LIN7A: variants seen among roughly 807,000 people sequenced by gnomAD.
LIN7A encodes protein lin-7 homolog A.
In LIN7A, 25 loss-of-function variants were observed where a neutral mutation model predicts 29.8. The observed-to-expected ratio is 0.84, with a 90% CI of 0.61 to 1.17. The LOEUF is 1.17. Ranked by LOEUF, LIN7A falls within the 50% of genes most tolerant of loss-of-function variation. LIN7A has a pLI of 0.00. For missense variants in LIN7A, 239 were observed against 287.0 expected, an observed-to-expected ratio of 0.83 and a Z score of 1.21; for synonymous variants, 118 against 107.5, an observed-to-expected ratio of 1.10 and a Z score of -0.60.
chr12:80,892,618 A>G (rs759343795), intron 1 of LIN7A, among the ~76,000 whole-genome samples: 1 of 152,202 alleles, frequency 6.6e-6, no homozygotes, highest in Non-Finnish European at 1.5e-5. Context: ...CCTGAGACCT[A>G]TGACAAACAA....
Position 80,827,384 on chromosome 12 carries a change from C to CACAAACAA in LIN7A, c.484-15709_484-15702dup, listed in dbSNP as rs3072346. Among the ~76,000 whole-genome samples, 611 of 150,530 alleles carry CACAAACAA rather than the reference C, an allele frequency of 4.1e-3. 3 individuals are homozygous for CACAAACAA. Among genetic ancestry groups the CACAAACAA allele is most frequent in the African/African-American group, 0.013 (536 of 40,972 alleles). ...CCTGGGTGACAGAGTGAGACTCTGT[C>CACAAACAA]ACAAACAAACAAACAAACAAACAAA... On this transcript the variant is annotated intron_variant, in intron 4 of 5. Coordinates refer to ENST00000552864, the MANE Select transcript of LIN7A (RefSeq NM_004664.4).
chr12:80,807,104 C>CTTTTTTTTT (rs1871078767), intron 5 of LIN7A, among the ~76,000 whole-genome samples: 1 of 39,066 alleles, frequency 2.6e-5, no homozygotes, highest in African/African-American at 1.9e-4. Flanking sequence ...CGGAGTCTCG[C>CTTTTTTTTT]TCTGTCACCC....
intron 5 of LIN7A, among the ~76,000 whole-genome samples, chr12:80,810,393 CTGTGTGTGTGTGTGTGTGTGTGTGTGTG>C (rs71094992): frequency 6.8e-6 from 1 of 146,916 alleles, no homozygotes; most frequent in Non-Finnish European, 1.5e-5. Flanking sequence ...TGGTATACAT[CTGTGTGTGTGTGTGTGTGTGTGTGTGTG>C]TGTGTGTGTG....
chr12:80,867,372 T>C (rs1874196405), intron 2 of LIN7A, among the ~76,000 whole-genome samples: 1 of 152,178 alleles, frequency 6.6e-6, no homozygotes, highest in African/African-American at 2.4e-5. Context: ...CCATGACCCC[T>C]GCCTTAGATT....
chr12:80,841,342 GGGAAGGAAGGAAGGAA>G (rs201176926), intron 4 of LIN7A, among the ~76,000 whole-genome samples: 28,531 of 125,922 alleles, frequency 0.23, 3,539 homozygotes, highest in Non-Finnish European at 0.28. Flanking sequence ...GAAAGAGGGA[GGGAAGGAAGGAAGGAA>G]GGAAGGAAGG....
intron 4 of LIN7A, among the ~76,000 whole-genome samples, chr12:80,829,144 A>C (rs545896442): frequency 8.5e-4 from 130 of 152,330 alleles, no homozygotes; most frequent in African/African-American, 2.9e-3. Flanking sequence ...CAGAGCTTTC[A>C]AGTAGTTTGG....
In LIN7A at chr12:80,804,887, T is replaced by C. The variant is rs148708860; in HGVS notation, c.*6578A>G. ...ATTCTCTTTTATTGCTGAATAGTAC[T>C]CCATTGTGTACAAGTACCACATTTT... On this transcript the variant is annotated intron_variant, in intron 5 of 5. Transcript: ENST00000552864. Among the ~76,000 whole-genome samples the C allele has an allele frequency of 6.8e-3, 1,033 of 152,208 alleles. 13 individuals are homozygous for C. The highest frequency in any genetic ancestry group is 0.024 in the African/African-American group (983 of 41,520).
chr12:80,902,502 G>A (rs955156225), intron 1 of LIN7A, among the ~76,000 whole-genome samples: 5 of 152,142 alleles, frequency 3.3e-5, no homozygotes, highest in Non-Finnish European at 2.9e-5. Flanking sequence ...AGTACGGGAT[G>A]TTTTTCCATT....
chr12:80,877,879 A>C (rs1874795032), intron 2 of LIN7A, among the ~76,000 whole-genome samples: 1 of 152,114 alleles, frequency 6.6e-6, no homozygotes, highest in African/African-American at 2.4e-5. Context: ...AAAAAAAAAA[A>C]AAACAGTTGT....
intron 1 of LIN7A, among the ~76,000 whole-genome samples, chr12:80,933,580 T>G (rs1878037657): frequency 6.6e-6 from 1 of 152,234 alleles, no homozygotes; most frequent in African/African-American, 2.4e-5. Flanking sequence ...TAATCTGAAA[T>G]TCTAATTATG....
At chr12:80,800,219 G>A (rs569158975) in intron 5 of LIN7A, among the ~76,000 whole-genome samples, 97 of 152,180 alleles carry the variant, frequency 6.4e-4, no homozygotes, top group Admixed American at 2.2e-3. Context: ...GCCGGGTACG[G>A]TGGCTCACAC....
At chr12:80,811,419 GTA>G (rs138290894) in intron 5 of LIN7A, 44 bp downstream of exon 5, 25,424 of 426,940 alleles carry the variant, frequency 0.06, no homozygotes, top group South Asian at 0.078. Flanking sequence ...ATGTGTGTGT[GTA>G]TATATATATA....
chr12:80,904,002 T>C (rs1178755273), intron 1 of LIN7A, among the ~76,000 whole-genome samples: 1 of 152,142 alleles, frequency 6.6e-6, no homozygotes, highest in African/African-American at 2.4e-5. Flanking sequence ...AGACTTTAGA[T>C]ATTTTTCTGT....
At position 80,795,652 on chromosome 12, in the gene LIN7A, C is replaced by A. The variant is rs1197028792; in HGVS notation, c.*2075G>T. ...AATGTATTGAAATGTGTTGAAATGA[C>A]CATTTTCTCATGACAAGGGTTCAGT... is the stretch of plus-strand genomic sequence containing the variant. On this transcript the variant is annotated 3_prime_UTR_variant, in exon 6 of 6. Coordinates refer to ENST00000552864, the MANE Select transcript of LIN7A (RefSeq NM_004664.4). 6.6e-6 allele frequency: 1 copy of A among 152,040 alleles called. No individual in the cohort carries two copies. Among genetic ancestry groups the A allele is most frequent in the Non-Finnish European group, 1.5e-5 (1 of 67,980 alleles). The allele number at this position is 152,040 out of a possible 1,614,324, so 9.4% of individuals were successfully genotyped here.
intron 2 of LIN7A, chr12:80,860,893 A>C (rs1025349565): frequency 9.2e-5 from 14 of 152,202 alleles, no homozygotes; most frequent in African/African-American, 3.4e-4. Flanking sequence ...TTCATCAACT[A>C]ACCTTGAGAG....
chr12:80,860,497 G>A (rs1467980466), intron 2 of LIN7A, among the ~76,000 whole-genome samples: 1 of 152,170 alleles, frequency 6.6e-6, no homozygotes, highest in Non-Finnish European at 1.5e-5. Context: ...TAGCTCCGTT[G>A]TCCAGCATCT....
intron 1 of LIN7A, among the ~76,000 whole-genome samples, chr12:80,933,923 T>A (rs1393485435): frequency 6.6e-6 from 1 of 152,182 alleles, no homozygotes; most frequent in Non-Finnish European, 1.5e-5. Context: ...CTCATTAGCA[T>A]GCAAATGCCA....
At chr12:80,907,098 T>TGTGTG (rs66479772) in intron 1 of LIN7A, among the ~76,000 whole-genome samples, 69 of 147,672 alleles carry the variant, frequency 4.7e-4, no homozygotes, top group East Asian at 1.2e-3. Context: ...TGTGTGTGTG[T>TGTGTG]TGAGGATTAA....
intron 2 of LIN7A, among the ~76,000 whole-genome samples, chr12:80,878,114 A>T (rs991551504): frequency 6.6e-6 from 1 of 152,208 alleles, no homozygotes; most frequent in Non-Finnish European, 1.5e-5. Context: ...CATTTACCCA[A>T]TAATGACACT....
Sources: gnomAD v4.1 joint callset for allele counts (sites outside exome capture counted in the v4.1 genomes callset) on GRCh38, gnomAD v4.1.1 for gene constraint, MANE v1.5 for transcripts, NCBI Gene and HGNC (gene_info 2026-07-23, HGNC 2026-07-21) for gene names.